OTOGL: variants seen among roughly 807,000 people sequenced by gnomAD.
OTOGL encodes otogelin-like protein.
OTOGL carries 285 observed loss-of-function variants against 318.5 expected under a neutral mutation model. That is an observed-to-expected ratio of 0.89 (90% CI 0.81 to 0.99). OTOGL has a LOEUF of 0.99. Ranked by LOEUF, OTOGL falls within the 50% of genes least tolerant of loss-of-function variation. The pLI is 0.00. For missense variants in OTOGL, 2,899 were observed against 2,845.6 expected (o/e 1.02, Z -0.43); for synonymous variants, 987 against 936.5 (o/e 1.05, Z -0.99).
chr12:80,219,951 C>T lies in OTOGL; in HGVS notation c.334+39C>T, dbSNP rs1308406113. 4.3e-6 allele frequency: 6 copies of T among 1,406,162 alleles called. No individual in the cohort carries two copies. In the South Asian group the frequency reaches 7.3e-5, roughly 17 times the overall value. 87.1% of individuals were successfully genotyped at this position (1,406,162 alleles called of 1,614,324 possible). A position where few individuals can be genotyped will look rare whatever the true frequency, so the allele number is the denominator to read the frequency against. ...ATGCTTGTGAGATAATTATGAGATA[C>T]CAAGGAGAAAATTAAGGCATAATTT... On this transcript the variant is annotated intron_variant, in intron 6 of 58. Coordinates refer to ENST00000547103, the MANE Select transcript of OTOGL (RefSeq NM_001378609.3).
At chr12:80,292,795 G>C (rs192864199) in intron 26 of OTOGL, among the ~76,000 whole-genome samples, 69 of 152,124 alleles carry the variant, frequency 4.5e-4, no homozygotes, top group Non-Finnish European at 4.9e-4. Context: ...TATAATTTTG[G>C]AACATATATT....
At chr12:80,233,303 T>G (rs1007486483) in intron 9 of OTOGL, among the ~76,000 whole-genome samples, 3 of 152,230 alleles carry the variant, frequency 2.0e-5, no homozygotes, top group African/African-American at 7.2e-5. Flanking sequence ...CTTTGCTAAA[T>G]TAGCATGAAG....
chr12:80,307,190 G>C (rs1886189387), intron 29 of OTOGL, among the ~76,000 whole-genome samples: 1 of 151,048 alleles, frequency 6.6e-6, no homozygotes, highest in African/African-American at 2.5e-5. Flanking sequence ...AAAATGAAAA[G>C]TCTCCCATGT....
At chr12:80,266,328 G>T in intron 20 of OTOGL, 123 bp from the exon 21 acceptor site, 1 of 981,482 alleles carries the variant, frequency 1.0e-6, no homozygotes, top group Non-Finnish European at 1.5e-6. Flanking sequence ...CAAGTTAAGG[G>T]TCTCCCAATT....
In OTOGL at chr12:80,243,025, AT is replaced by A. The variant is rs112322935; in HGVS notation, c.1052+3597del. On this transcript the variant is annotated intron_variant, in intron 11 of 58. Coordinates refer to ENST00000547103, the MANE Select transcript of OTOGL (RefSeq NM_001378609.3). ...AAAGCCAATTGATGTGAAAACCAAG[AT>A]TTTTTTTTTTGCTCTTTAATTGTTT... is the stretch of plus-strand genomic sequence containing the variant. Among the ~76,000 whole-genome samples the A allele has an allele frequency of 9.9e-3, 1,462 of 148,282 alleles. 27 individuals carry two copies. Among genetic ancestry groups the A allele is most frequent in the African/African-American group, 0.031 (1,252 of 40,768 alleles).
chr12:80,257,760 C>A, intron 17 of OTOGL, 65 bp from the exon 18 acceptor site: 1 of 1,320,740 alleles, frequency 7.6e-7, no homozygotes, highest in Non-Finnish European at 1.0e-6. Flanking sequence ...TGGTGGTGTA[C>A]CCTAGCATTT....
chr12:80,300,504 T>C (rs1409695559), intron 27 of OTOGL, among the ~76,000 whole-genome samples: 1 of 152,164 alleles, frequency 6.6e-6, no homozygotes, highest in Non-Finnish European at 1.5e-5. Flanking sequence ...CTTTGTCTCA[T>C]TGAACTTCAC....
At chr12:80,110,072 T>C (rs1257418182) in intron 1 of OTOGL, among the ~76,000 whole-genome samples, 31 of 143,596 alleles carry the variant, frequency 2.2e-4, no homozygotes, top group Non-Finnish European at 2.7e-4. Flanking sequence ...TCTTTCTTTT[T>C]TTTTTTTTTT....
At chr12:80,281,148 A>G (rs1204897685) in intron 26 of OTOGL, among the ~76,000 whole-genome samples, 2 of 151,820 alleles carry the variant, frequency 1.3e-5, no homozygotes, top group African/African-American at 4.8e-5. Flanking sequence ...GTGAAGAGAG[A>G]TACTTTGACT....
At chr12:80,368,390 C>CCT (rs386377123) in intron 55 of OTOGL, 81 bp downstream of exon 55, 1 of 881,098 alleles carries the variant, frequency 1.1e-6, no homozygotes, top group South Asian at 1.6e-5. Flanking sequence ...ATGTCCCCCC[C>CCT]CACACACACT....
chr12:80,209,744 A>G (rs936979855), intron 2 of OTOGL, among the ~76,000 whole-genome samples: 3 of 152,118 alleles, frequency 2.0e-5, no homozygotes, highest in Non-Finnish European at 4.4e-5. Context: ...TTTTATTATG[A>G]TATGCAATTG....
intron 1 of OTOGL, among the ~76,000 whole-genome samples, chr12:80,108,984 A>T (rs1313940848): frequency 6.9e-6 from 1 of 145,396 alleles, no homozygotes; most frequent in Non-Finnish European, 1.5e-5. Flanking sequence ...TACGGTTATC[A>T]TTATTCTTTG....
At chr12:80,110,997 C>T (rs1869805329) in intron 1 of OTOGL, among the ~76,000 whole-genome samples, 1 of 152,174 alleles carries the variant, frequency 6.6e-6, no homozygotes, top group African/African-American at 2.4e-5. Context: ...TCTCTAATGA[C>T]CAGTGATGAT....
At chr12:80,274,521 A>G (rs949271771) in intron 24 of OTOGL, among the ~76,000 whole-genome samples, 4 of 152,090 alleles carry the variant, frequency 2.6e-5, no homozygotes, top group Non-Finnish European at 5.9e-5. Context: ...TATCTCCATA[A>G]CATAAAAGTG....
chr12:80,183,165 G>A (rs543889164), intron 1 of OTOGL, among the ~76,000 whole-genome samples: 1 of 152,288 alleles, frequency 6.6e-6, no homozygotes, highest in Non-Finnish European at 1.5e-5. Context: ...GCATAAACAT[G>A]TATCACTGAA....
Position 80,342,098 on chromosome 12 carries a change from A to G in OTOGL, c.5201A>G (p.Glu1734Gly). ...AGAAGACCTGTTAGGAATTGTACTG[A>G]GCATGATTGCAGCCAGTGCATTGAT... ...TMRRPVRNCTEHDCSQCIDLL... is the reference protein window; with the variant it reads ...TMRRPVRNCTGHDCSQCIDLL... The change falls in exon 44 of 59, where the codon GAG (glutamate) becomes GGG (glycine). Residue 1734 changes from glutamate to glycine, a missense_variant. This residue lies in a region of OTOGL where 2,607 missense variants were observed against 2,524.9 expected (regional missense o/e 1.03). Coordinates refer to ENST00000547103, the MANE Select transcript of OTOGL (RefSeq NM_001378609.3). 6.2e-7 allele frequency: 1 copy of G among 1,606,044 alleles called. No homozygotes were observed. Among genetic ancestry groups the G allele is most frequent in the Non-Finnish European group, 8.5e-7 (1 of 1,175,634 alleles).
intron 1 of OTOGL, among the ~76,000 whole-genome samples, chr12:80,159,934 G>C (rs1035057552): frequency 1.3e-5 from 2 of 152,044 alleles, no homozygotes; most frequent in Admixed American, 1.3e-4. Context: ...AGAGAACCCA[G>C]AAATAAAGTC....
At chr12:80,375,413 G>T (rs777431165) in intron 57 of OTOGL, among the ~76,000 whole-genome samples, 4 of 152,130 alleles carry the variant, frequency 2.6e-5, no homozygotes, top group Non-Finnish European at 4.4e-5. Context: ...AGCAATGTCT[G>T]CATGGAGTGT....
At chr12:80,260,674 T>C (rs1235795349) in intron 18 of OTOGL, among the ~76,000 whole-genome samples, 1 of 152,174 alleles carries the variant, frequency 6.6e-6, no homozygotes, top group Non-Finnish European at 1.5e-5. Flanking sequence ...TTGACTATGG[T>C]GAGCTGAAAC....
Sources: allele counts gnomAD v4.1 joint callset (sites outside exome capture counted in the v4.1 genomes callset), GRCh38; gene constraint gnomAD v4.1.1; regional missense constraint gnomAD v4.1.1; transcripts MANE v1.5; gene names NCBI Gene and HGNC (gene_info 2026-07-23, HGNC 2026-07-21).